Variants in MYO15B observed in about 807,000 individuals in gnomAD.
MYO15B encodes myosin XVB pseudogene.
MYO15B carries 207 observed loss-of-function variants against 119.3 expected under a neutral mutation model. The ratio of observed to expected loss-of-function variants is 1.73; its 90% confidence interval spans 1.55 to 1.95. The LOEUF (loss-of-function observed/expected upper bound fraction) is 1.95. Among genes scored for constraint, MYO15B ranks in the 30% most tolerant of loss-of-function variants. The pLI, the probability that MYO15B is intolerant of heterozygous loss-of-function variation, is 0.00. For missense variants in MYO15B, 2,264 were observed against 1,203.1 expected, an observed-to-expected ratio of 1.88 and a Z score of -13.04; for synonymous variants, 966 against 498.9, an observed-to-expected ratio of 1.94 and a Z score of -12.48.
rs1389223693 is a variant in MYO15B, at chr17:75,588,491, G to A, written c.434G>A (p.Ser145Asn). ...CGGCGGGGCCGCCGGACGCCCAGGA[G>A]CCTCAATGGGGACACGTCGGGTGGG... Residue 145 changes from serine (S) to asparagine (N), a missense_variant, in exon 1 of 64, where the codon AGC becomes AAC. Transcript: ENST00000645453. 3 of 398,394 alleles carry A rather than the reference G, an allele frequency of 7.5e-6. No individual in the cohort carries two copies. In the East Asian group the frequency reaches 1.1e-4, roughly 14 times the overall value. 24.7% of individuals were successfully genotyped at this position (398,394 alleles called of 1,614,324 possible).
At chr17:75,617,302 G>A (rs771439044) in exon 41 of MYO15B, 10 of 632,862 alleles carry the variant, frequency 1.6e-5, no homozygotes, top group African/African-American at 3.7e-5. Flanking sequence ...GCAGAGCGTC[G>A]TTGTAAGGAA....
chr17:75,590,085 G>A (rs2056338474), exon 1 of MYO15B: 1 of 398,974 alleles, frequency 2.5e-6, no homozygotes, highest in Non-Finnish European at 4.4e-6. Context: ...GTGGGTCCCT[G>A]AGGGAGCTGT....
exon 41 of MYO15B, chr17:75,617,191 C>T (rs1350974218): frequency 2.9e-6 from 2 of 693,868 alleles, no homozygotes; most frequent in East Asian, 2.7e-5. Context: ...AAGCAGGGGC[C>T]CCTTCTGGAC....
intron 22 of MYO15B, 35 bp downstream of exon 22, chr17:75,610,294 AGCCAGGCT>A (rs1314049045): frequency 3.0e-6 from 2 of 662,340 alleles, no homozygotes; most frequent in African/African-American, 3.6e-5. Context: ...TCAGGGTAGA[AGCCAGGCT>A]GCCTGAGCTG....
At chr17:75,619,448 A>G (rs781733279) in exon 45 of MYO15B, 6 of 702,444 alleles carry the variant, frequency 8.5e-6, no homozygotes, top group Admixed American at 2.0e-5. Flanking sequence ...AACTGGGCCA[A>G]TTACTTCTCC....
chr17:75,599,996 C>G (rs1184641990), intron 14 of MYO15B, among the ~76,000 whole-genome samples: 2 of 144,600 alleles, frequency 1.4e-5, no homozygotes, highest in Non-Finnish European at 3.1e-5. Context: ...TGTACTAAAG[C>G]TCCTCATCTC....
Position 75,601,534 on chromosome 17 carries a change from C to T in MYO15B, c.3622C>T (p.Arg1208Ter), listed in dbSNP as rs1358661691. The change falls in exon 15 of 64, where the codon CGA becomes TGA. Residue 1208 changes from arginine (R) to a stop codon, truncating the protein, a stop_gained. Transcript: ENST00000645453. LOFTEE classifies it high-confidence loss of function. ...GCTGCCCCTGCCCGTGTTCACCGTG[C>T]GACATTATGCAGGGACTGTCACCTA... is the stretch of plus-strand genomic sequence containing the variant. 1.0e-5 allele frequency: 7 copies of T among 702,988 alleles called. No homozygotes were observed. The highest frequency in any genetic ancestry group is 5.4e-5 in the East Asian group (2 of 37,292). The allele number at this position is 702,988 out of a possible 1,614,324, so 43.5% of individuals were successfully genotyped here. A position where few individuals can be genotyped will look rare whatever the true frequency, so the allele number is the denominator to read the frequency against.
chr17:75,594,247 G>A (rs2056698110), intron 9 of MYO15B, among the ~76,000 whole-genome samples: 1 of 152,196 alleles, frequency 6.6e-6, no homozygotes, highest in African/African-American at 2.4e-5. Flanking sequence ...GTGGGGCGCA[G>A]GAAGGAAGGA....
At chr17:75,614,166 G>A (rs1360196057) in intron 29 of MYO15B, 33 bp from the exon 30 acceptor site, 8 of 697,292 alleles carry the variant, frequency 1.1e-5, no homozygotes, top group East Asian at 8.1e-5. Context: ...CTGGATGGCC[G>A]CCTGCCTCAC....
chr17:75,591,559 T>C (rs707709), intron 4 of MYO15B, 42 bp from the exon 5 acceptor site: 685,418 of 702,190 alleles, frequency 0.98, 335,895 homozygotes, highest in East Asian at 1. Context: ...GGTGGTCCTA[T>C]GTGCCCCTCC....
chr17:75,602,717 G>A, intron 16 of MYO15B, 113 bp from the exon 17 acceptor site: 6 of 605,784 alleles, frequency 9.9e-6, no homozygotes, highest in Non-Finnish European at 1.8e-5. Context: ...TGGGCCATGG[G>A]CTGAGCTTGC....
At chr17:75,610,077 A>G in intron 21 of MYO15B, 89 bp from the exon 22 acceptor site, 1 of 558,942 alleles carries the variant, frequency 1.8e-6, no homozygotes, top group South Asian at 2.2e-5. Flanking sequence ...CAGTTTTTAC[A>G]TGAATGTCAG....
chr17:75,591,891 G>A (rs536247331), intron 5 of MYO15B, 86 bp from the exon 6 acceptor site: 9 of 673,846 alleles, frequency 1.3e-5, no homozygotes, highest in African/African-American at 3.5e-5. Flanking sequence ...TGGGACTGAC[G>A]CCTCCCTGGA....
rs374682302 is a variant in MYO15B, at chr17:75,614,674, G to A, written c.5473G>A (p.Asp1825Asn). 1.2e-4 allele frequency: 86 copies of A among 701,998 alleles called. 1 individual carries two copies. In the East Asian group the frequency reaches 1.8e-3, roughly 15 times the overall value. 43.5% of individuals were successfully genotyped at this position (701,998 alleles called of 1,614,324 possible). A position where few individuals can be genotyped will look rare whatever the true frequency, so the allele number is the denominator to read the frequency against. The change falls in exon 31 of 64, where the codon GAC (aspartate) becomes AAC (asparagine). Residue 1825 changes from aspartate to asparagine, a missense_variant. By Grantham distance (23) the Asp-to-Asn change is conservative. Transcript: ENST00000645453. ...TCCAGCCCCAACGCTGCCCAGCAGG[G>A]ACCACACAGGTAAGGCTGGAGTGGG...
Position 75,589,214 on chromosome 17 carries a change from T to G in MYO15B, c.1157T>G (p.Leu386Arg), listed in dbSNP as rs1414470235. 35 of 390,356 alleles carry G rather than the reference T, an allele frequency of 9.0e-5. No individual in the cohort carries two copies. In the Admixed American group the frequency reaches 1.1e-3, roughly 13 times the overall value. The allele number at this position is 390,356 out of a possible 1,614,324, so 24.2% of individuals were successfully genotyped here. ...CGCTGGCTGCGGCGGCGGCTGCGGCTGCGGCGGCGGCCGCCAGAGGGCGAG... is the reference window on the plus strand; with the variant it reads ...CGCTGGCTGCGGCGGCGGCTGCGGCGGCGGCGGCGGCCGCCAGAGGGCGAG... The change falls in exon 1 of 64, where the codon CTG (leucine) becomes CGG (arginine). Residue 386 changes from leucine to arginine, a missense_variant. Transcript: ENST00000645453. This position sits in a 1 kb window ranked among gnomAD's most constrained non-coding sequence, Gnocchi z 4.2.
At chr17:75,612,734 G>T (rs1271292299) in intron 25 of MYO15B, 64 bp from the exon 26 acceptor site, 2 of 698,308 alleles carry the variant, frequency 2.9e-6, no homozygotes, top group Admixed American at 4.1e-5. Flanking sequence ...GCCTGCTCCG[G>T]TGGGGCTCCC....
chr17:75,597,722 C>T (rs532663895), intron 14 of MYO15B, among the ~76,000 whole-genome samples: 1 of 152,100 alleles, frequency 6.6e-6, no homozygotes, highest in Admixed American at 6.5e-5. Flanking sequence ...CCCAGGAGCT[C>T]GAGACCAACA....
chr17:75,602,995 C>T lies in MYO15B; in HGVS notation c.3846-37C>T, dbSNP rs2147863056. On this transcript the variant is annotated intron_variant, in intron 17 of 63. Transcript: ENST00000645453. ...GACCCCAGGGAGTTGTATGGGGCTC[C>T]AGTCTGTGCCCGAGTGACCCCTCTT... The T allele has an allele frequency of 7.1e-6, 5 of 702,596 alleles. No homozygotes were observed. In the South Asian group the frequency reaches 7.4e-5, roughly 10 times the overall value. The allele number at this position is 702,596 out of a possible 1,614,324, so 43.5% of individuals were successfully genotyped here.
At chr17:75,612,892 T>C in exon 26 of MYO15B, 1 of 701,470 alleles carries the variant, frequency 1.4e-6, no homozygotes. Context: ...ATCAACAAAG[T>C]GGTGAGTGAC....
Sources: allele counts gnomAD v4.1 joint callset (sites outside exome capture counted in the v4.1 genomes callset), GRCh38; gene constraint gnomAD v4.1.1; non-coding constraint Gnocchi (gnomAD v3.1); transcripts MANE v1.5; gene names NCBI Gene and HGNC (gene_info 2026-07-23, HGNC 2026-07-21).